DLG2: variants seen among roughly 807,000 people sequenced by gnomAD.
DLG2 encodes disks large homolog 2.
A neutral mutation model predicts 132.5 loss-of-function variants in DLG2; 45 were observed. That is an observed-to-expected ratio of 0.34 (90% CI 0.27 to 0.44). The LOEUF is 0.44. DLG2 is among the 20% of genes least tolerant of loss of function. DLG2 has a pLI of 1.00. For missense variants in DLG2, 1,045 were observed against 1,196.9 expected (o/e 0.87, Z 1.87); for synonymous variants, 424 against 419.6 (o/e 1.01, Z -0.13).
chr11:84,840,957 G>C (rs1599444914), intron 6 of DLG2, among the ~76,000 whole-genome samples: 1 of 150,198 alleles, frequency 6.7e-6, no homozygotes, highest in Admixed American at 6.7e-5. Flanking sequence ...CCTACGTGTT[G>C]TGCTCATGTA....
At chr11:84,851,363 A>G (rs911797764) in intron 6 of DLG2, among the ~76,000 whole-genome samples, 2 of 152,136 alleles carry the variant, frequency 1.3e-5, no homozygotes, top group African/African-American at 4.8e-5. Context: ...CTATATGAGT[A>G]TATGACCTGT....
intron 15 of DLG2, among the ~76,000 whole-genome samples, chr11:83,895,082 A>T (rs1234507078): frequency 6.6e-6 from 1 of 151,968 alleles, no homozygotes; most frequent in African/African-American, 2.4e-5. Flanking sequence ...TAGGAATAAG[A>T]CAAGTTATAA....
chr11:84,800,547 T>C (rs987965525), intron 6 of DLG2: 1 of 152,172 alleles, frequency 6.6e-6, no homozygotes, highest in Non-Finnish European at 1.5e-5. Flanking sequence ...ATGCTGAAGC[T>C]AAAAACAATG....
At chr11:84,257,047 T>G (rs181648771) in intron 7 of DLG2, among the ~76,000 whole-genome samples, 72 of 152,266 alleles carry the variant, frequency 4.7e-4, no homozygotes, top group African/African-American at 1.7e-3. Context: ...CCATCAACTT[T>G]GAAGTAAGAC....
At chr11:83,535,432 T>C (rs901489110) in intron 20 of DLG2, among the ~76,000 whole-genome samples, 1 of 152,210 alleles carries the variant, frequency 6.6e-6, no homozygotes, top group Non-Finnish European at 1.5e-5. Flanking sequence ...CAGAGCATTC[T>C]AATACTGTCC....
chr11:83,500,202 C>T (rs757782351), intron 21 of DLG2, among the ~76,000 whole-genome samples: 10 of 151,856 alleles, frequency 6.6e-5, no homozygotes, highest in Non-Finnish European at 1.3e-4. Flanking sequence ...CAGTTCCTAG[C>T]ACAATGCCTG....
At chr11:84,013,455 T>G (rs1326029201) in intron 11 of DLG2, among the ~76,000 whole-genome samples, 2 of 152,148 alleles carry the variant, frequency 1.3e-5, no homozygotes, top group African/African-American at 2.4e-5. Flanking sequence ...ATGAAATATG[T>G]TTAAATTCCT....
Position 84,423,784 on chromosome 11 carries a change from A to G in DLG2, c.519+110786T>C, listed in dbSNP as rs77973721. ...TCTTTGCTCAACTAGTGATTCAATTACATAAATTATAAATAGGTGTGACAT... is the reference window on the plus strand; with the variant it reads ...TCTTTGCTCAACTAGTGATTCAATTGCATAAATTATAAATAGGTGTGACAT... On this transcript the variant is annotated intron_variant, in intron 7 of 27. Transcript: ENST00000376104. Among the ~76,000 whole-genome samples the G allele has an allele frequency of 9.8e-5, 15 of 152,302 alleles. No homozygotes were observed. The East Asian group carries it at 2.9e-3, about 29-fold the overall frequency.
At chr11:85,242,285 G>A (rs547886554) in intron 4 of DLG2, among the ~76,000 whole-genome samples, 3 of 151,830 alleles carry the variant, frequency 2.0e-5, no homozygotes, top group African/African-American at 7.2e-5. Context: ...TCCTCTGAAT[G>A]TGATCTCGTT....
chr11:85,203,579 C>T (rs527952147), intron 4 of DLG2, among the ~76,000 whole-genome samples: 1 of 152,094 alleles, frequency 6.6e-6, no homozygotes, highest in East Asian at 1.9e-4. Context: ...ATGCCTAGGA[C>T]CTGATGGCTT....
At chr11:85,192,697 T>C (rs1339335296) in intron 4 of DLG2, among the ~76,000 whole-genome samples, 1 of 152,230 alleles carries the variant, frequency 6.6e-6, no homozygotes, top group Non-Finnish European at 1.5e-5. Flanking sequence ...CAAATCCTAT[T>C]ACTTTTGCCT....
rs564539745 is a variant in DLG2, at chr11:84,749,733, T to A, written c.358-215002A>T. 3.0e-3 allele frequency among the ~76,000 whole-genome samples: 461 copies of A among 152,272 alleles called. 3 individuals carry two copies. The highest frequency in any genetic ancestry group is 4.4e-3 in the Non-Finnish European group (299 of 68,022). On this transcript the variant is annotated intron_variant, in intron 6 of 27. Transcript: ENST00000376104. ...TTGTACAATTTCTATTTTAAAAAAA[T>A]ATATATAAGGAAACTAAGCCTTCAG... is the stretch of plus-strand genomic sequence containing the variant.
intron 11 of DLG2, among the ~76,000 whole-genome samples, chr11:83,991,132 A>G (rs1443835885): frequency 6.6e-6 from 1 of 152,208 alleles, no homozygotes; most frequent in Admixed American, 6.5e-5. Context: ...AGTTAATCAC[A>G]CTGGCGACTG....
chr11:84,842,354 T>G (rs1160240576), intron 6 of DLG2, among the ~76,000 whole-genome samples: 1 of 151,956 alleles, frequency 6.6e-6, no homozygotes, highest in Admixed American at 6.6e-5. Context: ...GGCCACCAAT[T>G]AATGCATGAT....
intron 6 of DLG2, among the ~76,000 whole-genome samples, chr11:84,877,527 T>C (rs2086565164): frequency 6.9e-6 from 1 of 144,628 alleles, no homozygotes; most frequent in South Asian, 2.2e-4. Flanking sequence ...TTTTTTTTTT[T>C]TTTTTTTGCT....
intron 3 of DLG2, among the ~76,000 whole-genome samples, chr11:85,348,934 CCT>C (rs2083071211): frequency 1.3e-5 from 2 of 152,108 alleles, no homozygotes; most frequent in African/African-American, 2.4e-5. Context: ...ATTTACTTCC[CCT>C]GTTTAAAAAT....
At chr11:84,814,112 T>C (rs547956521) in intron 6 of DLG2, among the ~76,000 whole-genome samples, 1 of 152,206 alleles carries the variant, frequency 6.6e-6, no homozygotes. Context: ...AATGCGCTTG[T>C]AGATTTTTTA....
chr11:84,758,600 C>T (rs1422147459), intron 6 of DLG2, among the ~76,000 whole-genome samples: 1 of 152,084 alleles, frequency 6.6e-6, no homozygotes, highest in African/African-American at 2.4e-5. Context: ...CCCTAGGCCA[C>T]CTCAGGGATT....
chr11:83,513,637 T>C (rs2095157335), intron 21 of DLG2, among the ~76,000 whole-genome samples: 1 of 152,240 alleles, frequency 6.6e-6, no homozygotes, highest in Non-Finnish European at 1.5e-5. Context: ...GCCTAGGTTT[T>C]CTTCTAGGGT....
Sources: gnomAD v4.1 joint callset for allele counts (sites outside exome capture counted in the v4.1 genomes callset) on GRCh38, gnomAD v4.1.1 for gene constraint, MANE v1.5 for transcripts, NCBI Gene and HGNC (gene_info 2026-07-23, HGNC 2026-07-21) for gene names.